RAD51B: variants seen among roughly 807,000 people sequenced by gnomAD.
RAD51B encodes the protein DNA repair protein RAD51 homolog 2.
RAD51B carries 38 observed loss-of-function variants against 42.2 expected under a neutral mutation model. That is an observed-to-expected ratio of 0.90 (90% CI 0.70 to 1.18). The LOEUF is 1.18. Among genes scored for constraint, RAD51B ranks in the 50% most tolerant of loss-of-function variants. RAD51B has a pLI of 0.00. For missense variants in RAD51B, 373 were observed against 400.7 expected (o/e 0.93, Z 0.59); for synonymous variants, 154 against 145.2 (o/e 1.06, Z -0.43).
chr14:68,003,072 A>G (rs916959666), intron 7 of RAD51B, among the ~76,000 whole-genome samples: 2 of 152,112 alleles, frequency 1.3e-5, no homozygotes, highest in Admixed American at 6.6e-5. Flanking sequence ...AAGGATGTCA[A>G]TGGTAGTTTA....
At chr14:68,218,687 G>T (rs755933529) in intron 7 of RAD51B, among the ~76,000 whole-genome samples, 4 of 152,116 alleles carry the variant, frequency 2.6e-5, no homozygotes, top group Non-Finnish European at 5.9e-5. Context: ...GTGAAAAACT[G>T]CCCTGCTTAT....
At chr14:67,960,980 C>T (rs562821798) in intron 7 of RAD51B, among the ~76,000 whole-genome samples, 40 of 151,990 alleles carry the variant, frequency 2.6e-4, no homozygotes, top group Middle Eastern at 3.4e-3. Flanking sequence ...ACAGAATTTC[C>T]TAAGTTATTA....
rs568184516 is a variant in RAD51B, at chr14:68,419,264, A to G, written c.957+7737A>G. On this transcript the variant is annotated intron_variant, in intron 9 of 10. Coordinates refer to ENST00000471583, the MANE Select transcript of RAD51B (RefSeq NM_133510.4). Reference sequence around the variant, plus strand: ...ATGGAACAGAAATTCAATTCTTTCAATTCTGAATGTGTTGCTATTTTCACT... The same window carrying G: ...ATGGAACAGAAATTCAATTCTTTCAGTTCTGAATGTGTTGCTATTTTCACT... Among the ~76,000 whole-genome samples, 6 of 152,322 alleles carry G rather than the reference A, an allele frequency of 3.9e-5. No individual in the cohort carries two copies. The East Asian group carries it at 9.6e-4, about 24-fold the overall frequency.
At chr14:68,571,561 C>A (rs142850824) in intron 10 of RAD51B, among the ~76,000 whole-genome samples, 154 of 152,322 alleles carry the variant, frequency 1.0e-3, no homozygotes, top group Admixed American at 1.8e-3. Flanking sequence ...GATTCCTCTT[C>A]TGCCTCCCTC....
At position 68,067,034 on chromosome 14, in the gene RAD51B, A is replaced by G. The variant is rs150576039; in HGVS notation, c.756+179830A>G. 9.2e-5 allele frequency among the ~76,000 whole-genome samples: 14 copies of G among 152,354 alleles called. No individual in the cohort carries two copies. In the East Asian group the frequency reaches 2.7e-3, roughly 29 times the overall value. ...TTGATTTAGTATATTTTGTTTATTC[A>G]TATGGAAGGGCAAACTCATTCAGCA... On this transcript the variant is annotated intron_variant, in intron 7 of 10. Coordinates refer to ENST00000471583, the MANE Select transcript of RAD51B (RefSeq NM_133510.4).
intron 10 of RAD51B, among the ~76,000 whole-genome samples, chr14:68,644,224 A>G (rs1892521619): frequency 6.6e-6 from 1 of 152,248 alleles, no homozygotes; most frequent in Non-Finnish European, 1.5e-5. Context: ...TCTAATTCAT[A>G]CAATGAGCTC....
chr14:68,415,714 C>T (rs948284630), intron 9 of RAD51B, among the ~76,000 whole-genome samples: 2 of 152,020 alleles, frequency 1.3e-5, no homozygotes, highest in African/African-American at 2.4e-5. Context: ...TGCCTTCTAG[C>T]GAGGGCTGGA....
chr14:68,350,989 C>G (rs2082774337), intron 8 of RAD51B, among the ~76,000 whole-genome samples: 1 of 152,204 alleles, frequency 6.6e-6, no homozygotes, highest in South Asian at 2.1e-4. Context: ...TTCTTCATGG[C>G]TCTGGCCTTA....
At chr14:68,446,482 T>C (rs2085424958) in intron 9 of RAD51B, among the ~76,000 whole-genome samples, 1 of 152,180 alleles carries the variant, frequency 6.6e-6, no homozygotes, top group East Asian at 1.9e-4. Flanking sequence ...GAGGGCTGAT[T>C]GTACCCACTG....
intron 10 of RAD51B, among the ~76,000 whole-genome samples, chr14:68,578,094 C>T (rs894159652): frequency 7.2e-5 from 11 of 152,192 alleles, no homozygotes; most frequent in African/African-American, 1.2e-4. Flanking sequence ...TGTTGAAACT[C>T]GTTGCTAACA....
chr14:68,472,356 C>T (rs567437634), intron 10 of RAD51B, among the ~76,000 whole-genome samples: 2 of 152,318 alleles, frequency 1.3e-5, no homozygotes, highest in Admixed American at 6.5e-5. Context: ...GTTGCTGGCG[C>T]TGCAGGAGGC....
intron 7 of RAD51B, among the ~76,000 whole-genome samples, chr14:68,066,001 A>G (rs954192586): frequency 6.6e-6 from 1 of 150,500 alleles, no homozygotes; most frequent in Non-Finnish European, 1.5e-5. Context: ...ATTAGAAAAT[A>G]TGTCTTGAGG....
At chr14:68,427,948 C>T (rs1211409181) in intron 9 of RAD51B, among the ~76,000 whole-genome samples, 1 of 152,204 alleles carries the variant, frequency 6.6e-6, no homozygotes, top group Non-Finnish European at 1.5e-5. Flanking sequence ...AAGAGCTCAT[C>T]TGTCATGAAT....
At chr14:68,566,882 C>G (rs940967314) in intron 10 of RAD51B, among the ~76,000 whole-genome samples, 11 of 152,174 alleles carry the variant, frequency 7.2e-5, no homozygotes, top group African/African-American at 2.7e-4. Flanking sequence ...TCAATGCATT[C>G]TCTCTTCTAC....
chr14:68,020,129 TA>T (rs2075840285), intron 7 of RAD51B, among the ~76,000 whole-genome samples: 1 of 152,124 alleles, frequency 6.6e-6, no homozygotes, highest in African/African-American at 2.4e-5. Context: ...TCTTTTTCTT[TA>T]ACGGGGTCTC....
At chr14:68,476,000 A>G (rs938230213) in intron 10 of RAD51B, among the ~76,000 whole-genome samples, 3 of 150,842 alleles carry the variant, frequency 2.0e-5, no homozygotes, top group Non-Finnish European at 2.9e-5. Context: ...TTGAGCATCT[A>G]TTGTTCACAA....
At chr14:67,975,825 A>G (rs567844688) in intron 7 of RAD51B, among the ~76,000 whole-genome samples, 2 of 152,322 alleles carry the variant, frequency 1.3e-5, no homozygotes, top group Non-Finnish European at 2.9e-5. Flanking sequence ...GTGTAGAGAA[A>G]CCTTTAGGCT....
chr14:68,062,176 GT>G (rs1397050793), intron 7 of RAD51B, among the ~76,000 whole-genome samples: 1 of 152,088 alleles, frequency 6.6e-6, no homozygotes, highest in Non-Finnish European at 1.5e-5. Context: ...TATTTATTCT[GT>G]TGATATGAGG....
At position 68,167,708 on chromosome 14, in the gene RAD51B, A is replaced by G. The variant is rs184794531; in HGVS notation, c.757-124176A>G. Among the ~76,000 whole-genome samples the G allele has an allele frequency of 2.2e-4, 34 of 152,212 alleles. No homozygotes were observed. The East Asian group carries it at 6.6e-3, about 29-fold the overall frequency. On this transcript the variant is annotated intron_variant, in intron 7 of 10. Coordinates refer to ENST00000471583, the MANE Select transcript of RAD51B (RefSeq NM_133510.4). ...TGGTATGATTGATGGGACAACAGGA[A>G]TACTCCTGTAACCACTATACCTACC...
Sources: gnomAD v4.1 joint callset for allele counts (sites outside exome capture counted in the v4.1 genomes callset) on GRCh38, gnomAD v4.1.1 for gene constraint, MANE v1.5 for transcripts, NCBI Gene and HGNC (gene_info 2026-07-23, HGNC 2026-07-21) for gene names.